ASTN2: variants seen among roughly 807,000 people sequenced by gnomAD.
ASTN2 encodes the protein astrotactin-2.
In ASTN2, 54 loss-of-function variants were observed where a neutral mutation model predicts 139.8. That is an observed-to-expected ratio of 0.39 (90% CI 0.31 to 0.48). The LOEUF (loss-of-function observed/expected upper bound fraction) is 0.48. Ranked by LOEUF, ASTN2 falls within the 20% of genes least tolerant of loss-of-function variation. The pLI is 0.95. For synonymous variants in ASTN2, 756 were observed against 719.5 expected (o/e 1.05, Z -0.81); for missense variants, 1,565 against 1,725.1 (o/e 0.91, Z 1.64).
intron 2 of ASTN2, among the ~76,000 whole-genome samples, chr9:117,218,395 C>T (rs76253973): frequency 0.016 from 2,453 of 152,302 alleles, 59 homozygotes; most frequent in African/African-American, 0.057. Context: ...ACGTGGTTTC[C>T]GTTACAGATT....
chr9:116,760,742 G>C (rs538021694), intron 13 of ASTN2, among the ~76,000 whole-genome samples: 3 of 152,254 alleles, frequency 2.0e-5, no homozygotes, highest in African/African-American at 7.2e-5. Flanking sequence ...GAAGGGAGTG[G>C]GGGTGGCAGG....
At chr9:116,543,110 G>A (rs921582421) in intron 19 of ASTN2, among the ~76,000 whole-genome samples, 1 of 151,692 alleles carries the variant, frequency 6.6e-6, no homozygotes, top group East Asian at 1.9e-4. Flanking sequence ...TTTTTTGGTT[G>A]GTTGGTTGTT....
At chr9:117,296,300 AAAAGAAAG>A (rs1192675911) in intron 1 of ASTN2, among the ~76,000 whole-genome samples, 3 of 120,902 alleles carry the variant, frequency 2.5e-5, no homozygotes, top group African/African-American at 8.5e-5. Context: ...AAAAAAAAAA[AAAAGAAAG>A]AAAGAAAGAA....
At chr9:116,800,921 A>G (rs967832478) in intron 13 of ASTN2, among the ~76,000 whole-genome samples, 7 of 152,208 alleles carry the variant, frequency 4.6e-5, no homozygotes, top group African/African-American at 1.7e-4. Context: ...CAAGAGAGGA[A>G]ATGAAAACAC....
chr9:117,335,475 T>C (rs930252579), intron 1 of ASTN2, among the ~76,000 whole-genome samples: 5 of 152,124 alleles, frequency 3.3e-5, no homozygotes, highest in African/African-American at 1.2e-4. Context: ...ACATAGAAAA[T>C]GTATGATGCA....
intron 16 of ASTN2, among the ~76,000 whole-genome samples, chr9:116,653,648 C>T (rs1434264006): frequency 1.3e-5 from 2 of 152,220 alleles, no homozygotes; most frequent in Non-Finnish European, 2.9e-5. Context: ...AATAGGGGCC[C>T]TGCGCCCTGA....
At chr9:117,254,682 A>G (rs531734814) in intron 2 of ASTN2, among the ~76,000 whole-genome samples, 1 of 152,350 alleles carries the variant, frequency 6.6e-6, no homozygotes, top group South Asian at 2.1e-4. Context: ...GTATATATGT[A>G]TGTAATTAAC....
intron 13 of ASTN2, among the ~76,000 whole-genome samples, chr9:116,791,017 AAG>A (rs773931603): frequency 4.7e-5 from 6 of 128,816 alleles, no homozygotes; most frequent in African/African-American, 1.7e-4. Flanking sequence ...GAAAGAAAGA[AAG>A]AAAGAAAGAA....
intron 22 of ASTN2, among the ~76,000 whole-genome samples, chr9:116,439,122 T>C (rs1345819020): frequency 6.6e-6 from 1 of 152,040 alleles, no homozygotes; most frequent in Non-Finnish European, 1.5e-5. Context: ...GGGTTAGGTT[T>C]AATTTTCTAT....
chr9:116,604,380 C>T (rs1480332534), intron 19 of ASTN2, among the ~76,000 whole-genome samples: 2 of 152,102 alleles, frequency 1.3e-5, no homozygotes, highest in African/African-American at 2.4e-5. Context: ...ATTTTCTGAG[C>T]CCCTAATATC....
chr9:117,321,041 C>A lies in ASTN2; in HGVS notation c.443-29528G>T, dbSNP rs530306026. Among the ~76,000 whole-genome samples the A allele has an allele frequency of 1.5e-4, 23 of 152,324 alleles. No homozygotes were observed. In the South Asian group the frequency reaches 2.1e-3, roughly 14 times the overall value. Reference sequence around the variant, plus strand: ...CACAACTCTGTCAAGCAAGGACACACAATGTGCCCCATCAGTTTTTTTTCA... The same window carrying A: ...CACAACTCTGTCAAGCAAGGACACAAAATGTGCCCCATCAGTTTTTTTTCA... On this transcript the variant is annotated intron_variant, in intron 1 of 22. Coordinates refer to ENST00000313400, the MANE Select transcript of ASTN2 (RefSeq NM_001365068.1).
At chr9:117,055,482 T>C (rs1244028990) in intron 5 of ASTN2, among the ~76,000 whole-genome samples, 2 of 152,174 alleles carry the variant, frequency 1.3e-5, no homozygotes, top group Non-Finnish European at 2.9e-5. Context: ...TTAGTCTCTA[T>C]ATTTAAAAAA....
At chr9:116,704,655 G>C (rs1827944302) in intron 16 of ASTN2, among the ~76,000 whole-genome samples, 1 of 152,122 alleles carries the variant, frequency 6.6e-6, no homozygotes. Flanking sequence ...GACCTGTATT[G>C]GTGATGCAAT....
chr9:117,388,305 A>G (rs1830452677), intron 1 of ASTN2, among the ~76,000 whole-genome samples: 2 of 152,218 alleles, frequency 1.3e-5, no homozygotes, highest in African/African-American at 4.8e-5. Context: ...TCCCAGACGG[A>G]ACATCAATCC....
intron 19 of ASTN2, among the ~76,000 whole-genome samples, chr9:116,537,162 G>C (rs1479422655): frequency 6.6e-6 from 1 of 152,218 alleles, no homozygotes; most frequent in Non-Finnish European, 1.5e-5. Context: ...AGCCACGTGC[G>C]GGATATAATC....
chr9:116,548,534 G>A (rs762988510), intron 19 of ASTN2, among the ~76,000 whole-genome samples: 2 of 152,108 alleles, frequency 1.3e-5, no homozygotes, highest in South Asian at 2.1e-4. Flanking sequence ...GTGCCATGGC[G>A]TGATCTCAGC....
At position 116,618,541 on chromosome 9, in the gene ASTN2, T is replaced by A. The variant is rs548898355; in HGVS notation, c.3207-69A>T. 1.0e-5 allele frequency: 15 copies of A among 1,498,038 alleles called. No individual in the cohort carries two copies. In the Admixed American group the frequency reaches 1.2e-4, roughly 12 times the overall value. The allele number at this position is 1,498,038 out of a possible 1,614,324, so 92.8% of individuals were successfully genotyped here. On this transcript the variant is annotated intron_variant, in intron 18 of 22. Coordinates refer to ENST00000313400, the MANE Select transcript of ASTN2 (RefSeq NM_001365068.1). ...CAGCTGGGGCCCAAAAGAATCCGCA[T>A]GTGTCAAGATGAAGCATAGGTTTCA...
intron 10 of ASTN2, among the ~76,000 whole-genome samples, chr9:116,913,539 C>G (rs1178906891): frequency 6.6e-6 from 1 of 152,214 alleles, no homozygotes; most frequent in Non-Finnish European, 1.5e-5. Flanking sequence ...ATGATTTGGG[C>G]ATGCTGCAGC....
intron 16 of ASTN2, among the ~76,000 whole-genome samples, chr9:116,688,563 C>G (rs1241285139): frequency 6.6e-6 from 1 of 152,098 alleles, no homozygotes; most frequent in East Asian, 1.9e-4. Flanking sequence ...GCAGAATCTT[C>G]TTCATTTATT....
Sources: allele counts gnomAD v4.1 joint callset (sites outside exome capture counted in the v4.1 genomes callset), GRCh38; gene constraint gnomAD v4.1.1; transcripts MANE v1.5; gene names NCBI Gene and HGNC (gene_info 2026-07-23, HGNC 2026-07-21).